LANCL3: variants seen among roughly 807,000 people sequenced by gnomAD.
LANCL3 encodes the protein lanC-like protein 3.
In LANCL3, 19 loss-of-function variants were observed where a neutral mutation model predicts 26.5. That is an observed-to-expected ratio of 0.72 (90% CI 0.50 to 1.05). LANCL3 has a LOEUF of 1.05. Among genes scored for constraint, LANCL3 ranks in the 50% least tolerant of loss-of-function variants. LANCL3 has a pLI of 0.00. For missense variants in LANCL3, 318 were observed against 362.7 expected, an observed-to-expected ratio of 0.88 and a Z score of 1.00; for synonymous variants, 160 against 166.6, an observed-to-expected ratio of 0.96 and a Z score of 0.30.
intron 3 of LANCL3, among the ~76,000 whole-genome samples, chrX:37,666,501 T>C (rs1443477177): frequency 8.9e-6 from 1 of 112,403 alleles, no homozygotes; most frequent in East Asian, 2.8e-4. Context: ...TATTTCAGTC[T>C]TTCACACTTT....
chrX:37,664,175 G>T (rs1329069464), intron 3 of LANCL3, among the ~76,000 whole-genome samples: 11 of 111,659 alleles, frequency 9.9e-5, no homozygotes, highest in African/African-American at 3.6e-4. Context: ...GTCATCAACA[G>T]CATCCAGTAC....
At chrX:37,613,320 T>C (rs1373176477) in intron 1 of LANCL3, among the ~76,000 whole-genome samples, 4 of 111,346 alleles carry the variant, frequency 3.6e-5, no homozygotes, top group African/African-American at 1.3e-4. Flanking sequence ...ACCTAGGACA[T>C]GGCCTGGCTC....
chrX:37,627,755 T>G (rs782068972), intron 1 of LANCL3, among the ~76,000 whole-genome samples: 76 of 111,985 alleles, frequency 6.8e-4, no homozygotes, highest in African/African-American at 2.2e-3. Flanking sequence ...AGGTCTATGA[T>G]TAACACCCAT....
In LANCL3 at chrX:37,676,126, G is replaced by A. The variant is rs1556437145; in HGVS notation, c.*313G>A. Reference sequence around the variant, plus strand: ...TGACATAGAAAACCAAACTGCAAGTGTAGACTATGACAAAAAATACACTAA... The same window carrying A: ...TGACATAGAAAACCAAACTGCAAGTATAGACTATGACAAAAAATACACTAA... On this transcript the variant is annotated 3_prime_UTR_variant, in exon 5 of 5. Transcript: ENST00000378619. The A allele has an allele frequency of 1.3e-5, 2 of 151,520 alleles. No homozygotes were observed. The highest frequency in any genetic ancestry group is 3.1e-5 in the African/African-American group (1 of 32,555). 12.5% of individuals were successfully genotyped at this position (151,520 alleles called of 1,213,427 possible). A position where few individuals can be genotyped will look rare whatever the true frequency, so the allele number is the denominator to read the frequency against.
chrX:37,626,278 C>A (rs1353013105), intron 1 of LANCL3, among the ~76,000 whole-genome samples: 1 of 111,929 alleles, frequency 8.9e-6, no homozygotes, highest in Non-Finnish European at 1.9e-5. Context: ...AAATCATTTG[C>A]CATAGGAGAC....
intron 1 of LANCL3, among the ~76,000 whole-genome samples, chrX:37,572,813 T>C (rs1348213351): frequency 4.5e-5 from 5 of 111,899 alleles, no homozygotes; most frequent in African/African-American, 1.6e-4. Context: ...AGCTGAGGCA[T>C]CCTCGAATGT....
intron 1 of LANCL3, among the ~76,000 whole-genome samples, chrX:37,639,754 T>TA (rs1415395540): frequency 9.0e-6 from 1 of 111,517 alleles, no homozygotes; most frequent in African/African-American, 3.3e-5. Context: ...GAGCTTTTTT[T>TA]AAAAAAAATG....
intron 1 of LANCL3, among the ~76,000 whole-genome samples, chrX:37,596,970 A>G (rs781809075): frequency 9.0e-6 from 1 of 111,279 alleles, no homozygotes; most frequent in East Asian, 2.8e-4. Flanking sequence ...ATTAACAGTC[A>G]CTCCTCTATT....
At chrX:37,610,856 T>C (rs1924847155) in intron 1 of LANCL3, among the ~76,000 whole-genome samples, 1 of 112,574 alleles carries the variant, frequency 8.9e-6, no homozygotes, top group South Asian at 3.7e-4. Context: ...ATATAGTCCT[T>C]ATTTTAGTTT....
In LANCL3 at chrX:37,623,282, C is replaced by T. The variant is rs193253527; in HGVS notation, c.574-32406C>T. 3.6e-5 allele frequency among the ~76,000 whole-genome samples: 4 copies of T among 111,769 alleles called. No homozygotes were observed. In the East Asian group the frequency reaches 1.1e-3, roughly 31 times the overall value. On this transcript the variant is annotated intron_variant, in intron 1 of 4. Transcript: ENST00000378619. ...TGAGAAACACTTAATTCTCCTGAAC[C>T]AGCTATAACATAGGTGTAAATTGAT...
intron 1 of LANCL3, among the ~76,000 whole-genome samples, chrX:37,587,721 A>G (rs1456609120): frequency 7.1e-5 from 8 of 112,549 alleles, no homozygotes; most frequent in African/African-American, 2.3e-4. Flanking sequence ...AGGAAAGGGA[A>G]TTCCATGACC....
At chrX:37,613,435 C>T (rs1278977072) in intron 1 of LANCL3, among the ~76,000 whole-genome samples, 2 of 111,024 alleles carry the variant, frequency 1.8e-5, no homozygotes, top group Non-Finnish European at 3.8e-5. Context: ...GTAAAGTGCA[C>T]CCATCTTAAG....
intron 1 of LANCL3, among the ~76,000 whole-genome samples, chrX:37,624,446 A>G (rs1175849777): frequency 8.9e-6 from 1 of 112,032 alleles, no homozygotes; most frequent in East Asian, 2.8e-4. Context: ...TAAAATATTA[A>G]TATCATGTTA....
At chrX:37,653,972 T>C (rs781793720) in intron 1 of LANCL3, among the ~76,000 whole-genome samples, 4 of 111,755 alleles carry the variant, frequency 3.6e-5, no homozygotes, top group Non-Finnish European at 7.5e-5. Context: ...TCTTACCTAC[T>C]CTGCATTACT....
rs34987799 is a variant in LANCL3, at chrX:37,574,054, C to CAAAAAAAAAAAAA, written c.573+1620_573+1632dup. Among the ~76,000 whole-genome samples the CAAAAAAAAAAAAA allele has an allele frequency of 2.2e-3, 73 of 33,409 alleles. 4 individuals are homozygous for CAAAAAAAAAAAAA. The highest frequency in any genetic ancestry group is 6.2e-3 in the African/African-American group (67 of 10,787). The allele number at this position is 33,409 out of a possible 115,157, so 29.0% of individuals were successfully genotyped here. A position where few individuals can be genotyped will look rare whatever the true frequency, so the allele number is the denominator to read the frequency against. On this transcript the variant is annotated intron_variant, in intron 1 of 4. Transcript: ENST00000378619. ...GAGATGGAACAAGCTTCAAGGATAGCAAAAAAAAAAAAAAAAAAAAACCCA... is the reference window on the plus strand; with the variant it reads ...GAGATGGAACAAGCTTCAAGGATAGCAAAAAAAAAAAAAAAAAAAAAAAAAAAAAAAAAACCCA...
At chrX:37,657,076 C>A (rs1220490575) in intron 2 of LANCL3, among the ~76,000 whole-genome samples, 2 of 112,602 alleles carry the variant, frequency 1.8e-5, no homozygotes, top group African/African-American at 6.5e-5. Flanking sequence ...CTTTATAGAA[C>A]ACATCTCAGA....
chrX:37,632,015 T>C (rs1242935188), intron 1 of LANCL3, among the ~76,000 whole-genome samples: 1 of 110,929 alleles, frequency 9.0e-6, no homozygotes, highest in Non-Finnish European at 1.9e-5. Flanking sequence ...CCTTGTTAAC[T>C]TTCTGTCTCA....
chrX:37,588,644 A>C (rs1266892084), intron 1 of LANCL3, among the ~76,000 whole-genome samples: 2 of 111,983 alleles, frequency 1.8e-5, no homozygotes, highest in Non-Finnish European at 3.8e-5. Flanking sequence ...AGCTGAATAA[A>C]GGAGTGTTTT....
intron 1 of LANCL3, among the ~76,000 whole-genome samples, chrX:37,614,674 T>C (rs1266737579): frequency 2.7e-5 from 3 of 112,312 alleles, no homozygotes; most frequent in Non-Finnish European, 3.8e-5. Flanking sequence ...TAGATCAAAC[T>C]CCAAGCTGTG....
Sources: gnomAD v4.1 joint callset for allele counts (sites outside exome capture counted in the v4.1 genomes callset) on GRCh38, gnomAD v4.1.1 for gene constraint, MANE v1.5 for transcripts, NCBI Gene and HGNC (gene_info 2026-07-23, HGNC 2026-07-21) for gene names.